CHD7: variants seen among roughly 807,000 people sequenced by gnomAD.
The protein encoded by CHD7 is ATP-dependent chromatin remodeler CHD7.
In CHD7, 24 loss-of-function variants were observed where a neutral mutation model predicts 307.3. The observed-to-expected ratio is 0.08, with a 90% CI of 0.06 to 0.11. CHD7 has a LOEUF of 0.11. CHD7 is among the 10% of genes least tolerant of loss of function. CHD7 has a pLI of 1.00. For synonymous variants in CHD7, 1,363 were observed against 1,349.9 expected (o/e 1.01, Z -0.21); for missense variants, 3,106 against 3,727.1 (o/e 0.83, Z 4.34).
intron 1 of CHD7, among the ~76,000 whole-genome samples, chr8:60,724,887 G>A (rs1471485123): frequency 2.0e-5 from 3 of 152,178 alleles, no homozygotes; most frequent in African/African-American, 7.2e-5. Flanking sequence ...ATGGCCCAGG[G>A]CTATTAGATA....
intron 2 of CHD7, 56 bp downstream of exon 2, chr8:60,743,153 C>T: frequency 6.9e-7 from 1 of 1,449,530 alleles, no homozygotes; most frequent in Non-Finnish European, 9.5e-7. Flanking sequence ...ACATGGCTAA[C>T]TTGTCTGATC....
chr8:60,806,344 C>G (rs554110553), intron 6 of CHD7, among the ~76,000 whole-genome samples: 2 of 151,976 alleles, frequency 1.3e-5, no homozygotes, highest in South Asian at 4.2e-4. Flanking sequence ...GCCTGGATGA[C>G]AGAGCAAGAC....
Position 60,820,067 on chromosome 8 carries a change from C to T in CHD7, c.2674C>T (p.Arg892Cys), listed in dbSNP as rs768961973. The T allele has an allele frequency of 5.0e-6, 8 of 1,609,502 alleles. No individual in the cohort carries two copies. The highest frequency in any genetic ancestry group is 3.3e-5 in the South Asian group (3 of 90,136). ...VEVDRIMDFA[R>C]STDDRGEPVT... Reference sequence around the variant, plus strand: ...GGTTGACCGGATAATGGACTTTGCACGTAGCACAGATGACCGGGGAGAGGT... The same window carrying T: ...GGTTGACCGGATAATGGACTTTGCATGTAGCACAGATGACCGGGGAGAGGT... The change falls in exon 9 of 38, where the codon CGT (arginine) becomes TGT (cysteine). Residue 892 changes from arginine to cysteine, a missense_variant. Physicochemically the swap from Arg to Cys is radical, Grantham distance 180. This residue lies in a region of CHD7 where 188 missense variants were observed against 261.7 expected (regional missense o/e 0.72). Transcript: ENST00000423902.
intron 31 of CHD7, among the ~76,000 whole-genome samples, chr8:60,854,096 T>C (rs1317748273): frequency 6.6e-6 from 1 of 152,194 alleles, no homozygotes; most frequent in Non-Finnish European, 1.5e-5. Flanking sequence ...TATCAGCCTC[T>C]TGTAAGGTTT....
chr8:60,788,650 T>G (rs1490178289), intron 3 of CHD7, among the ~76,000 whole-genome samples: 1 of 152,162 alleles, frequency 6.6e-6, no homozygotes, highest in Non-Finnish European at 1.5e-5. Flanking sequence ...GAGTGAAGCA[T>G]GTGGGTGCCA....
At chr8:60,708,750 T>G (rs1807134952) in intron 1 of CHD7, among the ~76,000 whole-genome samples, 1 of 152,238 alleles carries the variant, frequency 6.6e-6, no homozygotes, top group African/African-American at 2.4e-5. Flanking sequence ...AAATTCTGCT[T>G]GTTTTCAGGT....
rs186367707 is a variant in CHD7 at position 60,722,055 on chromosome 8, G to A, written c.-174-19204G>A. 4.1e-3 allele frequency among the ~76,000 whole-genome samples: 619 copies of A among 152,290 alleles called. 4 individuals are homozygous for A. Among genetic ancestry groups the A allele is most frequent in the African/African-American group, 0.014 (569 of 41,538 alleles). On this transcript the variant is annotated intron_variant, in intron 1 of 37. Transcript: ENST00000423902. ...TCTAATAGTAAATTATAAAGCAAAA[G>A]TAAGGTATTTCCTTCCTTTTCTTCA...
At chr8:60,713,825 C>T (rs1807406125) in intron 1 of CHD7, among the ~76,000 whole-genome samples, 1 of 152,138 alleles carries the variant, frequency 6.6e-6, no homozygotes, top group Admixed American at 6.5e-5. Flanking sequence ...CACTTCTCAG[C>T]TTAACATCTT....
intron 13 of CHD7, chr8:60,824,853 A>G (rs566741030): frequency 6.6e-6 from 1 of 151,820 alleles, no homozygotes; most frequent in Admixed American, 6.6e-5. Context: ...GAGTAGAAGG[A>G]TTTGATTTAT....
chr8:60,802,220 T>C (rs1193861629), intron 6 of CHD7, among the ~76,000 whole-genome samples: 1 of 152,256 alleles, frequency 6.6e-6, no homozygotes, highest in Non-Finnish European at 1.5e-5. Flanking sequence ...GGTACTCATA[T>C]GCTCTTTAAC....
At chr8:60,842,164 C>G (rs1805005432) in intron 21 of CHD7, 112 bp downstream of exon 21, 1 of 836,560 alleles carries the variant, frequency 1.2e-6, no homozygotes, top group Non-Finnish European at 1.8e-6. Context: ...CCCCTTTGCA[C>G]AGTCAAATGA....
chr8:60,864,057 TTTAA>T (rs1469048978), intron 37 of CHD7: 1 of 152,048 alleles, frequency 6.6e-6, no homozygotes, highest in Non-Finnish European at 1.5e-5. Flanking sequence ...TTGACAGATA[TTTAA>T]TTGACAAAAA....
At position 60,853,357 on chromosome 8, in the gene CHD7, C is replaced by T. The variant is rs1398262614; in HGVS notation, c.6632C>T (p.Ala2211Val). 3.2e-6 allele frequency: 5 copies of T among 1,566,556 alleles called. No homozygotes were observed. The highest frequency in any genetic ancestry group is 1.4e-5 in the African/African-American group (1 of 72,836). ...KESKQECEAE[A>V]SSVKNELKGV... ...AGCAAGCAGGAATGTGAGGCAGAGGCCAGCTCTGTGAAAAATGAACTGAAA... is the reference window on the plus strand; with the variant it reads ...AGCAAGCAGGAATGTGAGGCAGAGGTCAGCTCTGTGAAAAATGAACTGAAA... The change falls in exon 31 of 38, where the codon GCC becomes GTC. Residue 2211 changes from alanine (A) to valine (V), a missense_variant. By Grantham distance (64) the Ala-to-Val change is moderately conservative. Coordinates refer to ENST00000423902, the MANE Select transcript of CHD7 (RefSeq NM_017780.4).
chr8:60,852,491 C>T lies in CHD7; in HGVS notation c.5895-7C>T. ...TATGATGCAAGCTAATATAATCTTT[C>T]TAACAGGTGGACAAGAAGAGAAGAG... On this transcript the variant is annotated splice_polypyrimidine_tract_variant and splice_region_variant and intron_variant, in intron 29 of 37. Coordinates refer to ENST00000423902, the MANE Select transcript of CHD7 (RefSeq NM_017780.4). 1 of 1,610,288 alleles carries T rather than the reference C, an allele frequency of 6.2e-7. No homozygotes were observed. Among genetic ancestry groups the T allele is most frequent in the Non-Finnish European group, 8.5e-7 (1 of 1,177,136 alleles).
intron 6 of CHD7, among the ~76,000 whole-genome samples, chr8:60,802,354 T>C (rs1812351558): frequency 6.6e-6 from 1 of 152,224 alleles, no homozygotes; most frequent in African/African-American, 2.4e-5. Context: ...TACATAAACC[T>C]GCAGGTGCAT....
At chr8:60,837,157 A>G (rs1178263399) in intron 17 of CHD7, 145 bp downstream of exon 17, 1 of 634,684 alleles carries the variant, frequency 1.6e-6, no homozygotes, top group African/African-American at 1.9e-5. Context: ...CCAACTAGTA[A>G]TCTGTTGATT....
intron 1 of CHD7, among the ~76,000 whole-genome samples, chr8:60,731,461 C>T (rs560478908): frequency 5.3e-4 from 80 of 152,208 alleles, no homozygotes; most frequent in South Asian, 1.5e-3. Flanking sequence ...TTCCAACTGA[C>T]GGCAATGGGG....
At position 60,828,929 on chromosome 8, in the gene CHD7, C is replaced by T. The variant is rs1804375742; in HGVS notation, c.3522+123C>T. On this transcript the variant is annotated intron_variant, in intron 14 of 37. Coordinates refer to ENST00000423902, the MANE Select transcript of CHD7 (RefSeq NM_017780.4). Reference sequence around the variant, plus strand: ...AGTTTTTCCCACCTAGTACACAGAACCTTAGATACCCTTTCCTTGGACTTT... The same window carrying T: ...AGTTTTTCCCACCTAGTACACAGAATCTTAGATACCCTTTCCTTGGACTTT... 4 of 775,550 alleles carry T rather than the reference C, an allele frequency of 5.2e-6. No individual in the cohort carries two copies. In the Admixed American group the frequency reaches 8.4e-5, roughly 16 times the overall value. The allele number at this position is 775,550 out of a possible 1,614,324, so 48.0% of individuals were successfully genotyped here. A position where few individuals can be genotyped will look rare whatever the true frequency, so the allele number is the denominator to read the frequency against.
chr8:60,772,950 G>T (rs1810780028), intron 2 of CHD7, among the ~76,000 whole-genome samples: 1 of 152,218 alleles, frequency 6.6e-6, no homozygotes, highest in Non-Finnish European at 1.5e-5. Flanking sequence ...CTTATGGTTA[G>T]TCAGAGGCAC....
Sources: allele counts gnomAD v4.1 joint callset (sites outside exome capture counted in the v4.1 genomes callset), GRCh38; gene constraint gnomAD v4.1.1; regional missense constraint gnomAD v4.1.1; transcripts MANE v1.5; gene names NCBI Gene and HGNC (gene_info 2026-07-23, HGNC 2026-07-21).